Variants in IGF2R observed in about 807,000 individuals in gnomAD.
IGF2R encodes the protein insulin like growth factor 2 receptor.
Under a neutral mutation model 270.6 loss-of-function variants are expected in IGF2R, and 91 were observed. That is an observed-to-expected ratio of 0.34 (90% confidence interval 0.28 to 0.40). The LOEUF is 0.40. IGF2R is among the 10% of genes least tolerant of loss of function. IGF2R has a pLI of 1.00. For missense variants in IGF2R, 2,805 were observed against 3,188.3 expected (o/e 0.88, Z 2.90); for synonymous variants, 1,316 against 1,258.9 (o/e 1.05, Z -0.96).
intron 39 of IGF2R, among the ~76,000 whole-genome samples, chr6:160,080,602 T>A (rs191390640): frequency 8.3e-4 from 126 of 152,218 alleles, no homozygotes; most frequent in African/African-American, 2.9e-3. Flanking sequence ...AAAATGAATG[T>A]CTGCTATGGG....
chr6:160,083,915 G>A, intron 39 of IGF2R, 35 bp from the exon 40 acceptor site: 1 of 1,419,218 alleles, frequency 7.0e-7, no homozygotes. Flanking sequence ...CACAGTGACA[G>A]TCTGATCTCT....
At chr6:159,980,183 AAAAGAAAGAAAGAAAGAAAG>A (rs57599343) in intron 1 of IGF2R, among the ~76,000 whole-genome samples, 1,514 of 121,972 alleles carry the variant, frequency 0.012, 95 homozygotes, top group African/African-American at 0.042. Context: ...TCCGTCTCAA[AAAAGAAAGAAAGAAAGAAAG>A]AAAGAAAGAA....
At chr6:160,037,522 T>A (rs951725154) in intron 10 of IGF2R, among the ~76,000 whole-genome samples, 2 of 152,226 alleles carry the variant, frequency 1.3e-5, no homozygotes, top group African/African-American at 2.4e-5. Context: ...TTAAGTTGGA[T>A]CTCTAGGAAT....
rs753599399 is a variant in IGF2R at position 160,104,905 on chromosome 6, C to T, written c.7297C>T (p.His2433Tyr). ...SGRGAGAESS[H>Y]PVRNAQSNAL... ...CAGGGGAGCTGGGGCAGAGAGCTCC[C>T]ACCCAGTGAGAAACGCACAGAGCAA... is the stretch of plus-strand genomic sequence containing the variant. The change falls in exon 48 of 48, where the codon CAC becomes TAC. Residue 2433 changes from histidine to tyrosine, a missense_variant. Transcript: ENST00000356956. 1.2e-6 allele frequency: 2 copies of T among 1,614,154 alleles called. No individual in the cohort carries two copies. The highest frequency in any genetic ancestry group is 3.3e-5 in the Admixed American group (2 of 60,026).
intron 38 of IGF2R, 53 bp from the exon 39 acceptor site, chr6:160,080,076 T>C: frequency 6.3e-7 from 1 of 1,595,856 alleles, no homozygotes; most frequent in Middle Eastern, 1.7e-4. Flanking sequence ...TCTGAGGTGA[T>C]TGTGCCTGGC....
intron 17 of IGF2R, 114 bp downstream of exon 17, chr6:160,048,021 T>A: frequency 2.6e-6 from 2 of 770,664 alleles, no homozygotes; most frequent in South Asian, 1.5e-5. Flanking sequence ...GCTGTGGGGC[T>A]GCAGGACCAA....
chr6:160,103,776 C>G lies in IGF2R; in HGVS notation c.7026C>G (p.Cys2342Trp), dbSNP rs1307759303. The G allele has an allele frequency of 6.2e-7, 1 of 1,612,034 alleles. No homozygotes were observed. Among genetic ancestry groups the G allele is most frequent in the African/African-American group, 1.3e-5 (1 of 74,830 alleles). ...RETVISKLTTCCRRSSNVSYK... is the reference protein window; with the variant it reads ...RETVISKLTTWCRRSSNVSYK... ...CAGTGATAAGTAAGCTGACCACTTGCTGTAGGAGAAGTTCCAACGTGTCCT... is the reference window on the plus strand; with the variant it reads ...CAGTGATAAGTAAGCTGACCACTTGGTGTAGGAGAAGTTCCAACGTGTCCT... The change falls in exon 47 of 48, where the codon TGC (cysteine) becomes TGG (tryptophan). Residue 2342 changes from cysteine (C) to tryptophan (W), a missense_variant. Physicochemically the swap from Cys to Trp is radical, Grantham distance 215. Transcript: ENST00000356956.
intron 2 of IGF2R, 71 bp downstream of exon 2, chr6:159,991,394 A>C (rs1783977576): frequency 1.5e-6 from 2 of 1,346,110 alleles, no homozygotes; most frequent in African/African-American, 1.5e-5. Context: ...GACTGTGTAT[A>C]GCTATACGTA....
rs148104041 is a variant in IGF2R, at chr6:160,019,793, T to A, written c.514-4779T>A. Among the ~76,000 whole-genome samples, 579 of 152,168 alleles carry A rather than the reference T, an allele frequency of 3.8e-3. 6 individuals are homozygous for A. The highest frequency in any genetic ancestry group is 0.013 in the African/African-American group (552 of 41,514). On this transcript the variant is annotated intron_variant, in intron 4 of 47. Coordinates refer to ENST00000356956, the MANE Select transcript of IGF2R (RefSeq NM_000876.4). ...TGAAAAGACAACACTCAAAAAATAT[T>A]AGAAGGGACATACCTCAGAATAATA...
At chr6:160,021,605 TAAA>T (rs1190837402) in intron 4 of IGF2R, among the ~76,000 whole-genome samples, 1 of 136,710 alleles carries the variant, frequency 7.3e-6, no homozygotes, top group Non-Finnish European at 1.6e-5. Flanking sequence ...ATAATAAAAT[TAAA>T]AAAAAAAGTT....
intron 27 of IGF2R, 111 bp downstream of exon 27, chr6:160,063,741 T>TAAA (rs112146659): frequency 1.4e-5 from 9 of 627,404 alleles, no homozygotes; most frequent in Non-Finnish European, 1.3e-5. Context: ...TGTTCTACTG[T>TAAA]AAAAAAAAAA....
chr6:160,021,469 G>A (rs915275527), intron 4 of IGF2R, among the ~76,000 whole-genome samples: 3 of 149,086 alleles, frequency 2.0e-5, no homozygotes, highest in African/African-American at 7.4e-5. Flanking sequence ...GGGAGGGATA[G>A]CATTAGGAGA....
chr6:160,076,517 G>T (rs1038572591), intron 36 of IGF2R, among the ~76,000 whole-genome samples: 13 of 152,178 alleles, frequency 8.5e-5, no homozygotes, highest in Admixed American at 7.2e-4. Flanking sequence ...GTTCGGTATT[G>T]GTTATAGTCT....
At chr6:160,087,515 C>T (rs1012884306) in intron 41 of IGF2R, among the ~76,000 whole-genome samples, 1 of 152,192 alleles carries the variant, frequency 6.6e-6, no homozygotes, top group Non-Finnish European at 1.5e-5. Flanking sequence ...GACCCCAGGT[C>T]TTAGGCTGTG....
chr6:160,057,300 C>T (rs552729602), intron 20 of IGF2R, among the ~76,000 whole-genome samples: 135 of 152,352 alleles, frequency 8.9e-4, no homozygotes, highest in African/African-American at 3.2e-3. Flanking sequence ...GTGACGTTCT[C>T]TCTGACCTCC....
chr6:160,055,737 G>A (rs1047494148), intron 19 of IGF2R, among the ~76,000 whole-genome samples: 1 of 152,188 alleles, frequency 6.6e-6, no homozygotes, highest in Non-Finnish European at 1.5e-5. Context: ...GTGGGTCACT[G>A]TGAGGCGCAG....
rs776600652 is a variant in IGF2R, at chr6:160,075,914, A to G, written c.5234A>G (p.Glu1745Gly). Residue 1745 changes from glutamate to glycine, a missense_variant, in exon 36 of 48, where the codon GAA becomes GGA. By Grantham distance (98) the Glu-to-Gly change is moderately conservative (BLOSUM62 -2). Transcript: ENST00000356956. ...GCAAATGAGATTTACTTGAATTTTG[A>G]AAGCAGTACTCCTTGCTTAGCGGAC... Reference protein sequence around the residue: ...PIANEIYLNFESSTPCLADKH... With the variant: ...PIANEIYLNFGSSTPCLADKH... 6.2e-7 allele frequency: 1 copy of G among 1,614,122 alleles called. No individual in the cohort carries two copies.
chr6:160,060,627 A>G lies in IGF2R; in HGVS notation c.3172A>G (p.Ile1058Val). The G allele has an allele frequency of 1.9e-6, 3 of 1,614,256 alleles. No homozygotes were observed. The highest frequency in any genetic ancestry group is 2.5e-6 in the Non-Finnish European group (3 of 1,180,048). Residue 1058 changes from isoleucine (I) to valine (V), a missense_variant, in exon 23 of 48, where the codon ATC becomes GTC. Coordinates refer to ENST00000356956, the MANE Select transcript of IGF2R (RefSeq NM_000876.4). The stretch of plus-strand genomic sequence containing the variant: ...GCCCCTCAAATTCCTGCATCAAGAT[A>G]TCGACTCTGGGCAAGGGATCCGAAA... ...SGPLKFLHQD[I>V]DSGQGIRNTY...
At chr6:160,043,401 A>G (rs923001627) in intron 12 of IGF2R, 113 bp downstream of exon 12, 17 of 1,225,628 alleles carry the variant, frequency 1.4e-5, no homozygotes, top group Admixed American at 2.6e-5. Flanking sequence ...CTATAATCAC[A>G]TGAAGGATGG....
Sources: gnomAD v4.1 joint callset for allele counts (sites outside exome capture counted in the v4.1 genomes callset) on GRCh38, gnomAD v4.1.1 for gene constraint, MANE v1.5 for transcripts, NCBI Gene and HGNC (gene_info 2026-07-23, HGNC 2026-07-21) for gene names.